POU6F2: variants seen among roughly 807,000 people sequenced by gnomAD.
POU6F2 encodes POU domain, class 6, transcription factor 2.
POU6F2 carries 31 observed loss-of-function variants against 71.3 expected under a neutral mutation model. The ratio of observed to expected loss-of-function variants is 0.43; its 90% CI spans 0.33 to 0.59. POU6F2 has a LOEUF of 0.59. POU6F2 is among the 20% of genes least tolerant of loss of function. POU6F2 has a pLI of 0.04. For synonymous variants in POU6F2, 347 were observed against 355.7 expected, an observed-to-expected ratio of 0.98 and a Z score of 0.27; for missense variants, 783 against 856.8, an observed-to-expected ratio of 0.91 and a Z score of 1.07.
chr7:39,047,264 G>T (rs1015004223), intron 1 of POU6F2, among the ~76,000 whole-genome samples: 2 of 151,706 alleles, frequency 1.3e-5, no homozygotes, highest in East Asian at 1.9e-4. Context: ...TTGAAATTTT[G>T]ATAGAAATTG....
At chr7:39,169,780 T>G (rs987118064) in intron 2 of POU6F2, among the ~76,000 whole-genome samples, 5 of 152,212 alleles carry the variant, frequency 3.3e-5, no homozygotes, top group African/African-American at 1.2e-4. Flanking sequence ...GGGTTAGTAC[T>G]CAGGATAAAA....
At position 39,464,311 on chromosome 7, in the gene POU6F2, C is replaced by T. The variant is rs536617375; in HGVS notation, c.1788C>T (p.Thr596=). 2 of 1,614,018 alleles carry T rather than the reference C, an allele frequency of 1.2e-6. No homozygotes were observed. The highest frequency in any genetic ancestry group is 1.7e-6 in the Non-Finnish European group (2 of 1,179,890). Residue 596 remains threonine (T), a synonymous_variant, in exon 10 of 10, where the codon ACC becomes ACT. Coordinates refer to ENST00000518318, the MANE Select transcript of POU6F2 (RefSeq NM_001370959.1). This position sits in a 1 kb window ranked among gnomAD's most constrained non-coding sequence, Gnocchi z 4.1. ...CCAGGTTTGAAAAGCTGGACATCAC[C>T]CCTAAAAGTGCCCAGAAGATCAAGC... The part of the protein sequence containing the change: ...YPARFEKLDI[T]PKSAQKIKPV...
At chr7:39,183,473 C>T (rs557938136) in intron 2 of POU6F2, among the ~76,000 whole-genome samples, 21 of 152,230 alleles carry the variant, frequency 1.4e-4, no homozygotes, top group Admixed American at 1.0e-3. Context: ...AGGTGCTACA[C>T]ACTTTTATAA....
At chr7:39,014,539 T>C (rs1246721386) in intron 1 of POU6F2, among the ~76,000 whole-genome samples, 26 of 152,200 alleles carry the variant, frequency 1.7e-4, no homozygotes, top group Admixed American at 1.7e-3. Context: ...TTTAAGAACG[T>C]CTATGTGCAA....
At chr7:39,130,233 T>C (rs1271452532) in intron 2 of POU6F2, among the ~76,000 whole-genome samples, 1 of 152,050 alleles carries the variant, frequency 6.6e-6, no homozygotes, top group Admixed American at 6.6e-5. Flanking sequence ...GGAAAAATTA[T>C]ATTTAATATC....
At chr7:39,253,466 T>G (rs1783964540) in intron 4 of POU6F2, among the ~76,000 whole-genome samples, 2 of 152,262 alleles carry the variant, frequency 1.3e-5, no homozygotes, top group South Asian at 4.1e-4. Context: ...CTTTATTTAA[T>G]TTTGGTATTT....
At chr7:39,451,358 G>T (rs1788653743) in intron 7 of POU6F2, among the ~76,000 whole-genome samples, 175 bp from the exon 8 acceptor site, 3 of 127,878 alleles carry the variant, frequency 2.3e-5, no homozygotes, top group Admixed American at 1.5e-4. Context: ...GGCAATATGT[G>T]CTCTACAAAA....
At chr7:39,297,196 T>TACACACAC (rs61192418) in intron 4 of POU6F2, among the ~76,000 whole-genome samples, 12,322 of 138,874 alleles carry the variant, frequency 0.089, 551 homozygotes, top group Non-Finnish European at 0.11. Flanking sequence ...CACATACACA[T>TACACACAC]ACACACACAC....
intron 4 of POU6F2, among the ~76,000 whole-genome samples, chr7:39,260,150 T>A (rs62453446): frequency 0.85 from 125,215 of 146,780 alleles, 53,172 homozygotes; most frequent in East Asian, 0.94. Flanking sequence ...CACTCTGTAC[T>A]CATACACACA....
At chr7:39,003,810 ATTG>A (rs1354676016) in intron 1 of POU6F2, among the ~76,000 whole-genome samples, 1 of 152,056 alleles carries the variant, frequency 6.6e-6, no homozygotes, top group Non-Finnish European at 1.5e-5. Context: ...TGACGTTACA[ATTG>A]TTTTCAAAGA....
chr7:39,324,648 A>C (rs1014199665), intron 4 of POU6F2, among the ~76,000 whole-genome samples: 11 of 152,220 alleles, frequency 7.2e-5, no homozygotes, highest in Admixed American at 3.3e-4. Flanking sequence ...CAAAGTAAAA[A>C]TAATACTATT....
chr7:39,234,041 C>A (rs1794626662), intron 4 of POU6F2, among the ~76,000 whole-genome samples: 1 of 152,158 alleles, frequency 6.6e-6, no homozygotes, highest in Non-Finnish European at 1.5e-5. Context: ...GAAACTACAT[C>A]TTTGGCACGC....
At chr7:39,015,885 T>TATATA (rs1789501017) in intron 1 of POU6F2, among the ~76,000 whole-genome samples, 1 of 34,046 alleles carries the variant, frequency 2.9e-5, no homozygotes, top group African/African-American at 1.0e-4. Flanking sequence ...AGATATATAT[T>TATATA]ATATATTATA....
At chr7:39,172,324 G>A (rs1793232287) in intron 2 of POU6F2, among the ~76,000 whole-genome samples, 1 of 151,962 alleles carries the variant, frequency 6.6e-6, no homozygotes, top group Non-Finnish European at 1.5e-5. Flanking sequence ...TTCCTCCTAT[G>A]AGTCACTGAG....
intron 1 of POU6F2, chr7:39,013,213 C>A: frequency 6.5e-6 from 1 of 154,316 alleles, no homozygotes. Flanking sequence ...GAGCCAGGTG[C>A]GGGATATAAT....
intron 5 of POU6F2, among the ~76,000 whole-genome samples, chr7:39,353,206 C>T (rs1786175589): frequency 6.6e-6 from 1 of 152,192 alleles, no homozygotes; most frequent in African/African-American, 2.4e-5. Context: ...GGGAAGAAAT[C>T]TCATTCACAC....
intron 4 of POU6F2, among the ~76,000 whole-genome samples, chr7:39,222,966 A>G (rs760112933): frequency 6.6e-6 from 1 of 152,220 alleles, no homozygotes; most frequent in African/African-American, 2.4e-5. Flanking sequence ...GCGAGTTGCC[A>G]TACTATTTTC....
intron 4 of POU6F2, among the ~76,000 whole-genome samples, chr7:39,227,999 G>A (rs13223073): frequency 6.6e-6 from 1 of 152,150 alleles, no homozygotes; most frequent in Non-Finnish European, 1.5e-5. Flanking sequence ...AGAGGACGGG[G>A]TTGGTGGGCC....
chr7:39,452,597 CAGT>C (rs879506996), intron 8 of POU6F2, among the ~76,000 whole-genome samples: 5 of 152,188 alleles, frequency 3.3e-5, no homozygotes, highest in Non-Finnish European at 7.3e-5. Context: ...ATAGCAGGAA[CAGT>C]AGGATCCTCA....
Sources: gnomAD v4.1 joint callset for allele counts (sites outside exome capture counted in the v4.1 genomes callset) on GRCh38, gnomAD v4.1.1 for gene constraint, Gnocchi (gnomAD v3.1) non-coding constraint, MANE v1.5 for transcripts, NCBI Gene and HGNC (gene_info 2026-07-23, HGNC 2026-07-21) for gene names.